ANO1: variants seen among roughly 807,000 people sequenced by gnomAD.
ANO1 encodes anoctamin 1.
ANO1 carries 59 observed loss-of-function variants against 124.0 expected under a neutral mutation model. That is an observed-to-expected ratio of 0.48 (90% CI 0.39 to 0.59). The LOEUF (loss-of-function observed/expected upper bound fraction) is 0.59. Among genes scored for constraint, ANO1 ranks in the 20% least tolerant of loss-of-function variants. The pLI is 0.00. For synonymous variants in ANO1, 529 were observed against 532.0 expected, an observed-to-expected ratio of 0.99 and a Z score of 0.08; for missense variants, 1,059 against 1,328.0, an observed-to-expected ratio of 0.80 and a Z score of 3.15.
At chr11:70,059,228 G>A (rs1265249913) in intron 1 of ANO1, among the ~76,000 whole-genome samples, 46 of 151,456 alleles carry the variant, frequency 3.0e-4, no homozygotes, top group Admixed American at 5.3e-4. Context: ...GCAGGCGCCT[G>A]TAGTCCCAGC....
chr11:70,068,400 T>C (rs1857786198), intron 1 of ANO1, among the ~76,000 whole-genome samples: 1 of 152,196 alleles, frequency 6.6e-6, no homozygotes. Context: ...ATACTTTGCA[T>C]ACCTACTGTG....
chr11:70,167,844 C>T (rs564218818), intron 21 of ANO1, among the ~76,000 whole-genome samples: 4 of 152,164 alleles, frequency 2.6e-5, no homozygotes, highest in African/African-American at 7.2e-5. Context: ...TTACTTGAAA[C>T]CCCCCACAAT....
chr11:69,985,111 TC>T (rs1554996721), upstream of ANO1, among the ~76,000 whole-genome samples: 1 of 152,126 alleles, frequency 6.6e-6, no homozygotes, highest in African/African-American at 2.4e-5. Context: ...AGAGGGGCAA[TC>T]CCGGCTTCCT....
intron 1 of ANO1, among the ~76,000 whole-genome samples, chr11:70,030,847 T>A (rs4980748): frequency 0.74 from 111,860 of 152,160 alleles, 41,481 homozygotes; most frequent in East Asian, 0.94. Flanking sequence ...GCTGGAAGGA[T>A]CCCACAGAGG....
chr11:70,065,354 T>A (rs1167522743), intron 1 of ANO1: 1 of 152,300 alleles, frequency 6.6e-6, no homozygotes, highest in Non-Finnish European at 1.5e-5. Flanking sequence ...TTGTGCCAGA[T>A]ACCTGGGGGC....
chr11:70,076,003 T>G (rs2044051898), upstream of ANO1, among the ~76,000 whole-genome samples: 1 of 152,234 alleles, frequency 6.6e-6, no homozygotes. Flanking sequence ...ACGAGAGGCC[T>G]GGAGGCAGAA....
At chr11:70,061,897 T>A (rs1256940775) in intron 1 of ANO1, among the ~76,000 whole-genome samples, 1 of 152,070 alleles carries the variant, frequency 6.6e-6, no homozygotes, top group African/African-American at 2.4e-5. Context: ...AACTGCAAGA[T>A]CTTGAGTAAA....
chr11:70,062,909 T>TG lies in ANO1; in HGVS notation c.59-15633_59-15632insG, dbSNP rs1565171772. ...CCAGAATGTGTCTATTATGTTGTTT[T>TG]TTTGTTGTTGTTGTTGTTTGTTGTT... On this transcript the variant is annotated intron_variant, in intron 1 of 27. Transcript: ENST00000531349. Among the ~76,000 whole-genome samples the TG allele has an allele frequency of 4.6e-5, 7 of 152,256 alleles. No homozygotes were observed. In the East Asian group the frequency reaches 7.7e-4, roughly 17 times the overall value.
intron 11 of ANO1, among the ~76,000 whole-genome samples, chr11:70,141,926 G>A (rs2047169230): frequency 1.3e-5 from 2 of 152,144 alleles, no homozygotes; most frequent in East Asian, 1.9e-4. Context: ...CCCGCCCGCC[G>A]GGGTGTGGGG....
At chr11:70,054,593 G>C (rs1278095170) in intron 1 of ANO1, among the ~76,000 whole-genome samples, 3 of 152,260 alleles carry the variant, frequency 2.0e-5, no homozygotes, top group Non-Finnish European at 4.4e-5. Flanking sequence ...TTGTTTGCTA[G>C]CTTGATTTAT....
chr11:70,001,119 C>G (rs1200644104), intron 1 of ANO1, among the ~76,000 whole-genome samples: 1 of 152,234 alleles, frequency 6.6e-6, no homozygotes, highest in Non-Finnish European at 1.5e-5. Context: ...ATGTTGGACA[C>G]TTCTGGAGGC....
chr11:70,155,610 C>T (rs1590874963), intron 14 of ANO1, among the ~76,000 whole-genome samples: 1 of 152,230 alleles, frequency 6.6e-6, no homozygotes, highest in Non-Finnish European at 1.5e-5. Context: ...CACTACCTCC[C>T]GCTGGAATCC....
intron 10 of ANO1, among the ~76,000 whole-genome samples, chr11:70,127,796 A>T (rs1376127404): frequency 1.3e-5 from 2 of 152,158 alleles, no homozygotes; most frequent in East Asian, 3.9e-4. Flanking sequence ...CCTGACATGA[A>T]CCTAAGGATA....
In ANO1 at chr11:70,033,430, A is replaced by G. The variant is rs529448222; in HGVS notation, c.59-45112A>G. 3.9e-5 allele frequency among the ~76,000 whole-genome samples: 6 copies of G among 152,250 alleles called. No homozygotes were observed. The East Asian group carries it at 1.2e-3, about 29-fold the overall frequency. Reference sequence around the variant, plus strand: ...ACTCCTGCCTATGAGGGTCTGTGGGAATGTGAGGATGAATTCCACCTCAGT... The same window carrying G: ...ACTCCTGCCTATGAGGGTCTGTGGGGATGTGAGGATGAATTCCACCTCAGT... On this transcript the variant is annotated intron_variant, in intron 1 of 27. Coordinates refer to the ANO1 transcript ENST00000531349.
At chr11:70,108,738 C>T (rs888560707) in intron 6 of ANO1, among the ~76,000 whole-genome samples, 1 of 152,156 alleles carries the variant, frequency 6.6e-6, no homozygotes, top group Non-Finnish European at 1.5e-5. Context: ...TTGACCCTCA[C>T]GGTCCAGTGG....
At chr11:70,041,140 T>A (rs2135056905) in intron 1 of ANO1, among the ~76,000 whole-genome samples, 1 of 152,310 alleles carries the variant, frequency 6.6e-6, no homozygotes, top group East Asian at 1.9e-4. Context: ...GGGCAGGGGA[T>A]GCCGACCTCA....
At chr11:70,150,413 A>G (rs908914999) in intron 12 of ANO1, among the ~76,000 whole-genome samples, 1 of 152,250 alleles carries the variant, frequency 6.6e-6, no homozygotes, top group African/African-American at 2.4e-5. Flanking sequence ...AATTCCCTTC[A>G]GGGTAGGTGG....
chr11:70,104,687 C>A (rs2135365841), intron 4 of ANO1, among the ~76,000 whole-genome samples: 1 of 152,344 alleles, frequency 6.6e-6, no homozygotes, highest in East Asian at 1.9e-4. Flanking sequence ...TCAGCAGTGA[C>A]TGCAAGGCCT....
At chr11:70,154,460 C>CTTTTT (rs35077245) in intron 14 of ANO1, among the ~76,000 whole-genome samples, 61 of 84,254 alleles carry the variant, frequency 7.2e-4, no homozygotes, top group Non-Finnish European at 9.1e-4. Context: ...GGAAGTATGT[C>CTTTTT]TTTTTTTTTT....
Sources: allele counts gnomAD v4.1 joint callset (sites outside exome capture counted in the v4.1 genomes callset), GRCh38; gene constraint gnomAD v4.1.1; transcripts MANE v1.5; gene names NCBI Gene and HGNC (gene_info 2026-07-23, HGNC 2026-07-21).